RAB28: variants seen among roughly 807,000 people sequenced by gnomAD.
RAB28 encodes the protein RAB28, member RAS oncogene family.
A neutral mutation model predicts 31.7 loss-of-function variants in RAB28; 24 were observed. The ratio of observed to expected loss-of-function variants is 0.76; its 90% CI spans 0.55 to 1.06. The LOEUF (loss-of-function observed/expected upper bound fraction) is 1.06, where lower values mean the gene tolerates loss of function less well. RAB28 is among the 50% of genes least tolerant of loss of function. The probability of loss-of-function intolerance (pLI) is 0.00; values close to 1 mark genes in which losing one functional copy is unlikely to be tolerated. For synonymous variants in RAB28, 100 were observed against 90.4 expected, an observed-to-expected ratio of 1.11 and a Z score of -0.60; for missense variants, 254 against 258.5, an observed-to-expected ratio of 0.98 and a Z score of 0.12.
chr4:13,409,433 C>T (rs1167673020), intron 4 of RAB28, among the ~76,000 whole-genome samples: 1 of 152,156 alleles, frequency 6.6e-6, no homozygotes, highest in Non-Finnish European at 1.5e-5. Context: ...CAAACCTGAA[C>T]TCACACCTGG....
At chr4:13,461,325 C>T (rs796849979) in intron 3 of RAB28, among the ~76,000 whole-genome samples, 8 of 152,282 alleles carry the variant, frequency 5.3e-5, no homozygotes, top group Middle Eastern at 6.8e-3. Context: ...AATGAAATGT[C>T]GATTTCCTCT....
chr4:13,402,759 A>G (rs1049866895), intron 4 of RAB28, among the ~76,000 whole-genome samples: 1 of 152,000 alleles, frequency 6.6e-6, no homozygotes, highest in Admixed American at 6.6e-5. Context: ...GATAGTAAAT[A>G]TTTTAGGCTT....
intron 4 of RAB28, among the ~76,000 whole-genome samples, chr4:13,457,910 C>A (rs554693671): frequency 2.6e-5 from 4 of 152,202 alleles, no homozygotes; most frequent in South Asian, 4.1e-4. Context: ...AATCATAACG[C>A]CTCTCCCACA....
chr4:13,431,644 C>T (rs1440096021), intron 4 of RAB28, among the ~76,000 whole-genome samples: 2 of 152,070 alleles, frequency 1.3e-5, no homozygotes, highest in African/African-American at 4.8e-5. Flanking sequence ...CAAGCAGCAT[C>T]TGAGAAAGCC....
Position 13,484,330 on chromosome 4 carries a change from C to A in RAB28, c.-180G>T. 1 of 571,882 alleles carries A rather than the reference C, an allele frequency of 1.7e-6. No individual in the cohort carries two copies. The highest frequency in any genetic ancestry group is 3.2e-6 in the Non-Finnish European group (1 of 313,270). 35.4% of individuals were successfully genotyped at this position (571,882 alleles called of 1,614,324 possible). On this transcript the variant is annotated 5_prime_UTR_variant, in exon 1 of 7. Transcript: ENST00000330852. ...GGCAAGCGCCATCTTGCCCACCTCC[C>A]CGCCCTCTGCGCGCGGCCCCGCCCC... is the stretch of plus-strand genomic sequence containing the variant.
At chr4:13,444,704 T>C (rs772727851) in intron 4 of RAB28, among the ~76,000 whole-genome samples, 11 of 152,250 alleles carry the variant, frequency 7.2e-5, no homozygotes, top group Non-Finnish European at 1.3e-4. Context: ...AAGAAGTGTG[T>C]GGTGATATTT....
intron 4 of RAB28, among the ~76,000 whole-genome samples, chr4:13,432,583 C>G (rs1713873353): frequency 6.6e-6 from 1 of 152,106 alleles, no homozygotes; most frequent in Admixed American, 6.6e-5. Flanking sequence ...ATCAGACTAA[C>G]AGTGAACTTC....
chr4:13,405,579 A>G (rs1374800413), intron 4 of RAB28, among the ~76,000 whole-genome samples: 1 of 152,154 alleles, frequency 6.6e-6, no homozygotes, highest in African/African-American at 2.4e-5. Flanking sequence ...GTCTTTCCCA[A>G]TATTTGTCAG....
intron 4 of RAB28, among the ~76,000 whole-genome samples, chr4:13,398,692 G>A (rs962196721): frequency 1.8e-4 from 28 of 151,626 alleles, no homozygotes; most frequent in Non-Finnish European, 2.9e-5. Flanking sequence ...GCAGGAGAAC[G>A]GCGTGAACCT....
At chr4:13,483,168 T>C (rs1201641405) in intron 1 of RAB28, among the ~76,000 whole-genome samples, 8 of 152,176 alleles carry the variant, frequency 5.3e-5, no homozygotes, top group Non-Finnish European at 1.0e-4. Context: ...TGAGATCTTA[T>C]GGACCCTCTC....
At chr4:13,373,961 GTGTGTGTGTGTATATA>G (rs200556953) in intron 6 of RAB28, among the ~76,000 whole-genome samples, 3,303 of 151,430 alleles carry the variant, frequency 0.022, 65 homozygotes, top group Non-Finnish European at 0.033. Flanking sequence ...ATGTATGTAT[GTGTGTGTGTGTATATA>G]TGTGTGTGTG....
At chr4:13,389,068 A>T (rs1729510626) in intron 4 of RAB28, among the ~76,000 whole-genome samples, 1 of 152,162 alleles carries the variant, frequency 6.6e-6, no homozygotes, top group Non-Finnish European at 1.5e-5. Context: ...ATGTTCACTG[A>T]TGAATGACTG....
At position 13,409,676 on chromosome 4, in the gene RAB28, T is replaced by C. The variant is rs74906617; in HGVS notation, c.392-28082A>G. Among the ~76,000 whole-genome samples, 1,125 of 152,330 alleles carry C rather than the reference T, an allele frequency of 7.4e-3. 20 individuals are homozygous for C. The highest frequency in any genetic ancestry group is 0.025 in the African/African-American group (1,041 of 41,582). On this transcript the variant is annotated intron_variant, in intron 4 of 6. Coordinates refer to ENST00000330852, the MANE Select transcript of RAB28 (RefSeq NM_001017979.3). Reference sequence around the variant, plus strand: ...TACTACCATACCTGTTACTTAGGACTGACCCTCAAAGGGTCAAAAAGTATG... The same window carrying C: ...TACTACCATACCTGTTACTTAGGACCGACCCTCAAAGGGTCAAAAAGTATG...
intron 3 of RAB28, among the ~76,000 whole-genome samples, chr4:13,462,720 A>G (rs1715654593): frequency 6.6e-6 from 1 of 152,224 alleles, no homozygotes. Context: ...ATTCTATAAT[A>G]TACAAAATCA....
intron 6 of RAB28, among the ~76,000 whole-genome samples, chr4:13,372,868 T>C (rs1274987933): frequency 6.6e-6 from 1 of 152,110 alleles, no homozygotes; most frequent in Admixed American, 6.6e-5. Flanking sequence ...GTCTATTACA[T>C]GCCAAGCCTT....
intron 6 of RAB28, among the ~76,000 whole-genome samples, chr4:13,373,941 ATATGTATG>A (rs566473086): frequency 1.3e-5 from 2 of 151,760 alleles, no homozygotes; most frequent in African/African-American, 4.8e-5. Context: ...GTGTGTATAT[ATATGTATG>A]TATGTATGTA....
At chr4:13,392,081 A>C (rs1729657682) in intron 4 of RAB28, among the ~76,000 whole-genome samples, 5 of 152,140 alleles carry the variant, frequency 3.3e-5, no homozygotes, top group Admixed American at 3.3e-4. Context: ...CTAGAACTTA[A>C]AGTATAATTT....
At chr4:13,405,065 C>G (rs1213374007) in intron 4 of RAB28, among the ~76,000 whole-genome samples, 1 of 152,008 alleles carries the variant, frequency 6.6e-6, no homozygotes, top group East Asian at 1.9e-4. Flanking sequence ...TAGAATACCT[C>G]TGTCTCCTAA....
rs1716752434 is a variant in RAB28, at chr4:13,484,102, C to T, written c.49G>A (p.Val17Met). 2 of 1,602,352 alleles carry T rather than the reference C, an allele frequency of 1.2e-6. No homozygotes were observed. Among genetic ancestry groups the T allele is most frequent in the African/African-American group, 1.3e-5 (1 of 74,782 alleles). Residue 17 changes from valine (V) to methionine (M), a missense_variant, in exon 1 of 7, where the codon GTG becomes ATG. Val to Met is a conservative substitution (Grantham distance 21). Transcript: ENST00000330852. ...TTCCCGGAGGCGCCGTCCCCCAGCACGACGATTTTCAGTTGCCGGTCCTGG... is the reference window on the plus strand; with the variant it reads ...TTCCCGGAGGCGCCGTCCCCCAGCATGACGATTTTCAGTTGCCGGTCCTGG... The part of the protein sequence containing the change: ...ESQDRQLKIV[V>M]LGDGASGKTS...
Sources: gnomAD v4.1 joint callset for allele counts (sites outside exome capture counted in the v4.1 genomes callset) on GRCh38, gnomAD v4.1.1 for gene constraint, MANE v1.5 for transcripts, NCBI Gene and HGNC (gene_info 2026-07-23, HGNC 2026-07-21) for gene names.